MYZAP: variants seen among roughly 807,000 people sequenced by gnomAD.
The protein encoded by MYZAP is myocardial zonula adherens protein, also known as GRINL1A complex locus upstream.
Under a neutral mutation model 69.4 loss-of-function variants are expected in MYZAP, and 66 were observed. The observed-to-expected ratio is 0.95, with a 90% confidence interval of 0.78 to 1.17. MYZAP has a LOEUF of 1.17. Ranked by LOEUF, MYZAP falls within the 50% of genes most tolerant of loss-of-function variation. The probability of loss-of-function intolerance (pLI) is 0.00; values close to 1 mark genes in which losing one functional copy is unlikely to be tolerated. For synonymous variants in MYZAP, 256 were observed against 205.9 expected (o/e 1.24, Z -2.09); for missense variants, 611 against 556.2 (o/e 1.10, Z -0.99).
At chr15:57,677,164 C>A (rs1451871056) in intron 12 of MYZAP, among the ~76,000 whole-genome samples, 2 of 152,214 alleles carry the variant, frequency 1.3e-5, no homozygotes, top group Admixed American at 1.3e-4. Context: ...TGAGCTGGGG[C>A]TCCTGGAGAG....
At chr15:57,655,146 A>G (rs1339458132) in intron 10 of MYZAP, among the ~76,000 whole-genome samples, 1 of 152,034 alleles carries the variant, frequency 6.6e-6, no homozygotes, top group Non-Finnish European at 1.5e-5. Flanking sequence ...AGCCTGGAGG[A>G]CTTGGAAAGC....
intron 12 of MYZAP, among the ~76,000 whole-genome samples, chr15:57,678,133 C>A (rs1306017217): frequency 1.3e-5 from 2 of 151,720 alleles, no homozygotes; most frequent in Non-Finnish European, 2.9e-5. Context: ...GAGGCCAAGG[C>A]AGTGGATTGC....
At chr15:57,661,031 C>T (rs1439268356) in intron 10 of MYZAP, among the ~76,000 whole-genome samples, 3 of 152,108 alleles carry the variant, frequency 2.0e-5, no homozygotes, top group Non-Finnish European at 2.9e-5. Flanking sequence ...ATGCAGGCTG[C>T]CCTGCAAATT....
chr15:57,629,857 G>T lies in MYZAP; in HGVS notation c.678+3G>T, dbSNP rs577998764. 1.6e-4 allele frequency: 261 copies of T among 1,612,278 alleles called. 4 individuals carry two copies. In the South Asian group the frequency reaches 2.7e-3, roughly 17 times the overall value. ...AAAACCAGCTGCTAAAAATGAAGGT[G>T]GAGTATAAAAGCCTAGATTTATTTT... On this transcript the variant is annotated splice_donor_region_variant and intron_variant, in intron 6 of 12. Transcript: ENST00000267853.
intron 5 of MYZAP, among the ~76,000 whole-genome samples, chr15:57,627,798 C>T (rs532854007): frequency 6.6e-6 from 1 of 152,114 alleles, no homozygotes; most frequent in African/African-American, 2.4e-5. Context: ...TCTCTTGGAC[C>T]AGAGTGTAGG....
intron 10 of MYZAP, among the ~76,000 whole-genome samples, chr15:57,656,934 T>C (rs2038039159): frequency 6.6e-6 from 1 of 152,210 alleles, no homozygotes; most frequent in South Asian, 2.1e-4. Context: ...GTCCAGCTCC[T>C]TCTCCCCAGA....
At position 57,632,571 on chromosome 15, in the gene MYZAP, G is replaced by T; in HGVS notation, c.804+12G>T. On this transcript the variant is annotated intron_variant, in intron 7 of 12. Coordinates refer to ENST00000267853, the MANE Select transcript of MYZAP (RefSeq NM_001018100.5). ...AGGAGGCTCTTTTGGTGTGTGTGTT[G>T]TAGCTGCCGATGTAAACTTACCGGG... 6.2e-7 allele frequency: 1 copy of T among 1,613,592 alleles called. No homozygotes were observed. The highest frequency in any genetic ancestry group is 8.5e-7 in the Non-Finnish European group (1 of 1,179,868).
intron 11 of MYZAP, among the ~76,000 whole-genome samples, chr15:57,665,598 C>T (rs909137405): frequency 2.0e-5 from 3 of 152,210 alleles, no homozygotes; most frequent in African/African-American, 7.2e-5. Flanking sequence ...TCCCCAAGAA[C>T]ACTTTAGCTG....
chr15:57,603,952 C>T (rs1286539865), intron 1 of MYZAP, among the ~76,000 whole-genome samples: 1 of 152,174 alleles, frequency 6.6e-6, no homozygotes, highest in Non-Finnish European at 1.5e-5. Context: ...ATATTTTTGC[C>T]TATACTTGTG....
In MYZAP at chr15:57,612,965, T is replaced by C. The variant is rs2035203087; in HGVS notation, c.163-5068T>C. Reference sequence around the variant, plus strand: ...TTTTTTTTCCGAGACGGAGTCTCGCTCTGTCGCCCAGGCTGGAGTGCAATG... The same window carrying C: ...TTTTTTTTCCGAGACGGAGTCTCGCCCTGTCGCCCAGGCTGGAGTGCAATG... On this transcript the variant is annotated intron_variant, in intron 2 of 12. Transcript: ENST00000267853. Among the ~76,000 whole-genome samples, 9 of 152,178 alleles carry C rather than the reference T, an allele frequency of 5.9e-5. No homozygotes were observed. The South Asian group carries it at 1.9e-3, about 32-fold the overall frequency.
At position 57,592,118 on chromosome 15, in the gene MYZAP, CG is replaced by C; in HGVS notation, c.75+14del. The C allele has an allele frequency of 1.5e-6, 2 of 1,310,912 alleles. No homozygotes were observed. The highest frequency in any genetic ancestry group is 2.1e-5 in the South Asian group (1 of 47,600). 81.2% of individuals were successfully genotyped at this position (1,310,912 alleles called of 1,614,324 possible). A position where few individuals can be genotyped will look rare whatever the true frequency, so the allele number is the denominator to read the frequency against. ...GGGCGCCCAGCAGGAGGGTGAGTAG[CG>C]GGGGCGGGAGCCGCCGCCGTCCCGT... is the stretch of plus-strand genomic sequence containing the variant. On this transcript the variant is annotated intron_variant, in intron 1 of 12. Coordinates refer to ENST00000267853, the MANE Select transcript of MYZAP (RefSeq NM_001018100.5).
At chr15:57,618,275 A>C in intron 3 of MYZAP, 87 bp downstream of exon 3, 2 of 1,516,654 alleles carry the variant, frequency 1.3e-6, no homozygotes, top group South Asian at 2.7e-5. Flanking sequence ...AAGTGAATGT[A>C]ATAAGGCATT....
intron 1 of MYZAP, among the ~76,000 whole-genome samples, chr15:57,593,101 G>A (rs544866540): frequency 1.3e-5 from 2 of 151,874 alleles, no homozygotes; most frequent in Admixed American, 6.6e-5. Flanking sequence ...GAAGAAAGGT[G>A]TGTTACTCTT....
intron 6 of MYZAP, 70 bp downstream of exon 6, chr15:57,629,924 C>A: frequency 1.3e-6 from 2 of 1,524,484 alleles, no homozygotes; most frequent in Admixed American, 2.3e-5. Flanking sequence ...TTTCTCTTCC[C>A]ATCTTCAACC....
At position 57,632,358 on chromosome 15, in the gene MYZAP, A is replaced by G. The variant is rs2036555226; in HGVS notation, c.679-76A>G. On this transcript the variant is annotated intron_variant, in intron 6 of 12. Transcript: ENST00000267853. The stretch of plus-strand genomic sequence containing the variant: ...GCTCACTACCTCTGTGAGTCCCCAC[A>G]TGAAATGTGCAGTGGAAGCTGCCAA... 2.8e-5 allele frequency: 44 copies of G among 1,597,704 alleles called. 1 individual carries two copies. The South Asian group carries it at 4.8e-4, about 17-fold the overall frequency.
chr15:57,679,386 C>T (rs1177189496), intron 12 of MYZAP, among the ~76,000 whole-genome samples: 1 of 82,144 alleles, frequency 1.2e-5, no homozygotes, highest in Non-Finnish European at 3.1e-5. Flanking sequence ...TTCTCTCTCT[C>T]TCTCTCTCTG....
intron 5 of MYZAP, among the ~76,000 whole-genome samples, chr15:57,628,348 C>T (rs1455912747): frequency 6.6e-6 from 1 of 152,096 alleles, no homozygotes; most frequent in African/African-American, 2.4e-5. Flanking sequence ...TAGTTCACTG[C>T]AGCCTTGACC....
intron 11 of MYZAP, among the ~76,000 whole-genome samples, chr15:57,666,286 C>T (rs17240055): frequency 0.25 from 38,463 of 152,072 alleles, 5,880 homozygotes; most frequent in Non-Finnish European, 0.34. Context: ...ATGTTGAAAT[C>T]GTATTAGGAT....
chr15:57,658,335 A>T (rs2038106656), intron 10 of MYZAP, among the ~76,000 whole-genome samples: 1 of 152,184 alleles, frequency 6.6e-6, no homozygotes, highest in Non-Finnish European at 1.5e-5. Flanking sequence ...TTACATAATT[A>T]TAACACTATC....
Sources: allele counts gnomAD v4.1 joint callset (sites outside exome capture counted in the v4.1 genomes callset), GRCh38; gene constraint gnomAD v4.1.1; transcripts MANE v1.5; gene names NCBI Gene and HGNC (gene_info 2026-07-23, HGNC 2026-07-21).